The following CNIH3 variants were observed in gnomAD, a reference collection of about 807,000 sequenced individuals.
CNIH3 encodes cornichon family AMPA receptor auxiliary protein 3.
In CNIH3, 14 loss-of-function variants were observed where a neutral mutation model predicts 24.1. The ratio of observed to expected loss-of-function variants is 0.58; its 90% CI spans 0.38 to 0.91. CNIH3 has a LOEUF of 0.91. Among genes scored for constraint, CNIH3 ranks in the 40% least tolerant of loss-of-function variants. The pLI is 0.00. For missense variants in CNIH3, 178 were observed against 196.8 expected (o/e 0.90, Z 0.57); for synonymous variants, 68 against 73.8 (o/e 0.92, Z 0.40).
chr1:224,576,792 G>T, intron 4 of CNIH3, among the ~76,000 whole-genome samples: 1 of 152,150 alleles, frequency 6.6e-6, no homozygotes, highest in East Asian at 1.9e-4. Context: ...CAAATCTAGA[G>T]ACATCACACA....
chr1:224,676,142 A>C (rs758105058), intron 1 of CNIH3, among the ~76,000 whole-genome samples: 1 of 152,254 alleles, frequency 6.6e-6, no homozygotes, highest in Non-Finnish European at 1.5e-5. Flanking sequence ...TGTACAATGG[A>C]ATACTACTTG....
At chr1:224,524,664 AAAG>A (rs1185010274) in intron 2 of CNIH3, among the ~76,000 whole-genome samples, 1 of 152,230 alleles carries the variant, frequency 6.6e-6, no homozygotes, top group Non-Finnish European at 1.5e-5. Context: ...GAACAAATGC[AAAG>A]AAGGATGTGT....
chr1:224,553,520 A>G (rs906038260), intron 3 of CNIH3, among the ~76,000 whole-genome samples: 10 of 152,004 alleles, frequency 6.6e-5, no homozygotes, highest in Admixed American at 5.2e-4. Flanking sequence ...AGGTTCTGGG[A>G]CCCGGCTGGT....
chr1:224,664,816 C>G (rs983010742), intron 1 of CNIH3: 1 of 152,176 alleles, frequency 6.6e-6, no homozygotes, highest in Admixed American at 6.5e-5. Context: ...TTCACTGCAG[C>G]CTTGAAGTCC....
chr1:224,446,889 A>G (rs1336975901), intron 1 of CNIH3, among the ~76,000 whole-genome samples: 2 of 152,132 alleles, frequency 1.3e-5, no homozygotes, highest in African/African-American at 2.4e-5. Context: ...GCCCGTAACA[A>G]AACCCTGAGG....
chr1:224,723,676 T>A (rs990019328), intron 3 of CNIH3, among the ~76,000 whole-genome samples: 1 of 152,234 alleles, frequency 6.6e-6, no homozygotes, highest in Non-Finnish European at 1.5e-5. Context: ...CTAACTTATT[T>A]TCCTTCGTGT....
chr1:224,647,650 A>C (rs954722611), intron 1 of CNIH3, among the ~76,000 whole-genome samples: 1 of 152,220 alleles, frequency 6.6e-6, no homozygotes, highest in Admixed American at 6.5e-5. Context: ...ACTTGGGAGA[A>C]TGTGTGTTAA....
intron 2 of CNIH3, among the ~76,000 whole-genome samples, chr1:224,528,096 C>G (rs1333553112): frequency 3.3e-5 from 5 of 151,834 alleles, no homozygotes. Context: ...ACCCCCATCT[C>G]TATAAAAAAT....
chr1:224,701,258 T>C (rs1687473275), intron 3 of CNIH3, among the ~76,000 whole-genome samples: 1 of 151,806 alleles, frequency 6.6e-6, no homozygotes, highest in Non-Finnish European at 1.5e-5. Context: ...TGGTTCTCAG[T>C]GGCTATCTTT....
chr1:224,675,654 A>C (rs1686100082), intron 1 of CNIH3, among the ~76,000 whole-genome samples: 1 of 152,252 alleles, frequency 6.6e-6, no homozygotes, highest in Non-Finnish European at 1.5e-5. Context: ...TTGTTTTAAA[A>C]GAGAAAATGA....
rs1682997611 is a variant in CNIH3 at position 224,616,531 on chromosome 1, C to T, written c.-644C>T. ...GTCACGGTTGGGGACGGGCGCGCCT[C>T]GGAGCGCACGGCTGCGCTGGAAGCC... is the stretch of plus-strand genomic sequence containing the variant. On this transcript the variant is annotated 5_prime_UTR_variant, in exon 1 of 6. Coordinates refer to ENST00000272133, the MANE Select transcript of CNIH3 (RefSeq NM_152495.2). 3 of 986,718 alleles carry T rather than the reference C, an allele frequency of 3.0e-6. No homozygotes were observed. Among genetic ancestry groups the T allele is most frequent in the South Asian group, 9.2e-5 (2 of 21,668 alleles). The allele number at this position is 986,718 out of a possible 1,614,324, so 61.1% of individuals were successfully genotyped here. A position where few individuals can be genotyped will look rare whatever the true frequency, so the allele number is the denominator to read the frequency against.
intron 3 of CNIH3, among the ~76,000 whole-genome samples, chr1:224,553,463 A>G (rs1017277635): frequency 4.6e-5 from 7 of 152,082 alleles, no homozygotes; most frequent in African/African-American, 1.7e-4. Flanking sequence ...ACCCAATCTC[A>G]CTGGGAGACC....
intron 2 of CNIH3, among the ~76,000 whole-genome samples, chr1:224,543,776 C>T (rs1337797283): frequency 6.6e-6 from 1 of 152,172 alleles, no homozygotes; most frequent in Non-Finnish European, 1.5e-5. Context: ...TTTCTTCTGT[C>T]CCTCGCACAC....
At chr1:224,481,523 T>C (rs1267205630) in intron 1 of CNIH3, among the ~76,000 whole-genome samples, 1 of 152,196 alleles carries the variant, frequency 6.6e-6, no homozygotes, top group East Asian at 1.9e-4. Context: ...AGGTATAACC[T>C]TGTGGTCTTG....
intron 1 of CNIH3, among the ~76,000 whole-genome samples, chr1:224,489,136 TC>T (rs1459008964): frequency 1.3e-5 from 2 of 152,134 alleles, no homozygotes; most frequent in African/African-American, 4.8e-5. Flanking sequence ...AGAGTATTTT[TC>T]TTCTTTTTTT....
intron 1 of CNIH3, among the ~76,000 whole-genome samples, chr1:224,629,645 C>T (rs2125076457): frequency 6.6e-6 from 1 of 152,170 alleles, no homozygotes; most frequent in African/African-American, 2.4e-5. Context: ...GCCTCTAGTT[C>T]TCTTGTGTAT....
At chr1:224,660,793 A>G (rs1186032254) in intron 1 of CNIH3, among the ~76,000 whole-genome samples, 2 of 152,258 alleles carry the variant, frequency 1.3e-5, no homozygotes, top group African/African-American at 4.8e-5. Context: ...TTATCCTGGC[A>G]ATATTAACGT....
downstream of CNIH3, among the ~76,000 whole-genome samples, chr1:224,593,290 G>GGT (rs1193883135): frequency 6.6e-6 from 1 of 151,946 alleles, no homozygotes; most frequent in African/African-American, 2.4e-5. Context: ...AAATAGCTGG[G>GGT]ACCACAGGCA....
At chr1:224,737,772 C>A (rs1194156484) in intron 5 of CNIH3, among the ~76,000 whole-genome samples, 1 of 152,222 alleles carries the variant, frequency 6.6e-6, no homozygotes, top group Non-Finnish European at 1.5e-5. Context: ...TTAGCAACAT[C>A]TGGCTTCAGA....
Sources: allele counts gnomAD v4.1 joint callset (sites outside exome capture counted in the v4.1 genomes callset), GRCh38; gene constraint gnomAD v4.1.1; transcripts MANE v1.5; gene names NCBI Gene and HGNC (gene_info 2026-07-23, HGNC 2026-07-21).